Variants in AOPEP observed in about 807,000 individuals in gnomAD.
The protein encoded by AOPEP is aminopeptidase O (putative).
In AOPEP, 77 loss-of-function variants were observed where a neutral mutation model predicts 98.1. That is an observed-to-expected ratio of 0.78 (90% CI 0.65 to 0.95). The LOEUF (loss-of-function observed/expected upper bound fraction) is 0.95, where lower values mean the gene tolerates loss of function less well. Ranked by LOEUF, AOPEP falls within the 40% of genes least tolerant of loss-of-function variation. The pLI is 0.00. For synonymous variants in AOPEP, 346 were observed against 365.3 expected, an observed-to-expected ratio of 0.95 and a Z score of 0.60; for missense variants, 1,024 against 1,024.7, an observed-to-expected ratio of 1.00 and a Z score of 0.01.
the AOPEP span, among the ~76,000 whole-genome samples, chr9:95,112,090 T>C: frequency 2.0e-5 from 3 of 152,208 alleles, no homozygotes; most frequent in African/African-American, 7.2e-5. Context: ...AACTACGAAT[T>C]TTTAATGAGC....
At chr9:94,942,014 G>C (rs2057062561) in intron 7 of AOPEP, among the ~76,000 whole-genome samples, 1 of 152,146 alleles carries the variant, frequency 6.6e-6, no homozygotes, top group African/African-American at 2.4e-5. Context: ...TGAATCTTGG[G>C]AAAGTAAATT....
intron 11 of AOPEP, among the ~76,000 whole-genome samples, chr9:94,999,982 G>A (rs1230040019): frequency 6.6e-6 from 1 of 152,202 alleles, no homozygotes; most frequent in East Asian, 1.9e-4. Flanking sequence ...CTGAGAGAAA[G>A]AAGGTCTGTT....
At chr9:95,021,502 A>G (rs762139984) in intron 13 of AOPEP, among the ~76,000 whole-genome samples, 5 of 152,268 alleles carry the variant, frequency 3.3e-5, no homozygotes, top group Non-Finnish European at 5.9e-5. Context: ...AGCATTACCT[A>G]ATCACAGAGC....
At chr9:95,094,592 T>A in the AOPEP span, among the ~76,000 whole-genome samples, 1 of 152,250 alleles carries the variant, frequency 6.6e-6, no homozygotes, top group East Asian at 1.9e-4. Flanking sequence ...TTTGTCCTTT[T>A]ATGTCTGGCT....
At chr9:94,766,468 C>T (rs551245694) in intron 2 of AOPEP, among the ~76,000 whole-genome samples, 100 of 152,276 alleles carry the variant, frequency 6.6e-4, no homozygotes, top group African/African-American at 2.1e-3. Context: ...ACCCAGGAGG[C>T]GGAGCTTGCA....
intron 3 of AOPEP, among the ~76,000 whole-genome samples, chr9:94,785,475 G>A (rs1844226707): frequency 6.6e-6 from 1 of 152,216 alleles, no homozygotes; most frequent in African/African-American, 2.4e-5. Context: ...ATAGGAGAAA[G>A]TGATGTAGGG....
At chr9:94,772,590 A>G (rs1056538968) in intron 2 of AOPEP, among the ~76,000 whole-genome samples, 1 of 152,176 alleles carries the variant, frequency 6.6e-6, no homozygotes, top group Non-Finnish European at 1.5e-5. Context: ...CCAAGCATTA[A>G]TATCTCAGTG....
intron 13 of AOPEP, among the ~76,000 whole-genome samples, chr9:95,012,995 G>A (rs1326058512): frequency 1.5e-5 from 2 of 135,320 alleles, no homozygotes; most frequent in Non-Finnish European, 3.2e-5. Flanking sequence ...TTTGGGGGGG[G>A]GGGCAGGGCG....
At chr9:95,110,617 A>G in the AOPEP span, 1 of 1,040,542 alleles carries the variant, frequency 9.6e-7, no homozygotes, top group South Asian at 4.6e-5. Flanking sequence ...GCAAGCCTTT[A>G]AACAAAATAC....
intron 13 of AOPEP, among the ~76,000 whole-genome samples, chr9:95,031,801 A>G (rs1191780037): frequency 6.6e-6 from 1 of 152,216 alleles, no homozygotes; most frequent in African/African-American, 2.4e-5. Flanking sequence ...AGTTCAAACA[A>G]GCGAACACTG....
chr9:94,931,640 T>C, intron 7 of AOPEP: 1 of 952,880 alleles, frequency 1.0e-6, no homozygotes, highest in South Asian at 1.4e-5. Context: ...TATCTTGTTC[T>C]TTCTTTCAAG....
At chr9:94,823,506 A>G (rs35487382) in intron 5 of AOPEP, among the ~76,000 whole-genome samples, 53,833 of 152,052 alleles carry the variant, frequency 0.35, 10,134 homozygotes, top group Non-Finnish European at 0.43. Flanking sequence ...CTTCTAGAGC[A>G]TGTTCACCTC....
At chr9:94,936,499 C>G (rs570939110) in intron 7 of AOPEP, among the ~76,000 whole-genome samples, 56 of 152,332 alleles carry the variant, frequency 3.7e-4, no homozygotes, top group African/African-American at 1.3e-3. Flanking sequence ...CCTTGGCTTG[C>G]AGTCACTGAG....
chr9:95,124,257 T>C, the AOPEP span, among the ~76,000 whole-genome samples: 4 of 151,978 alleles, frequency 2.6e-5, no homozygotes, highest in African/African-American at 9.7e-5. Flanking sequence ...GGCCGTGACA[T>C]ACTCTACAGA....
intron 5 of AOPEP, among the ~76,000 whole-genome samples, chr9:94,839,729 T>C (rs1427954986): frequency 2.0e-5 from 3 of 152,190 alleles, no homozygotes; most frequent in Non-Finnish European, 4.4e-5. Flanking sequence ...ACTTACAATA[T>C]GATGTGGACA....
chr9:94,906,455 A>AAATAATAATAATAAT (rs5741511), intron 5 of AOPEP, among the ~76,000 whole-genome samples: 10,366 of 114,218 alleles, frequency 0.091, 600 homozygotes, highest in African/African-American at 0.16. Flanking sequence ...ACCCTGTCTG[A>AAATAATAATAATAAT]AATAATAATA....
chr9:95,028,112 A>C lies in AOPEP; in HGVS notation c.2115+22496A>C, dbSNP rs565145844. Among the ~76,000 whole-genome samples the C allele has an allele frequency of 7.2e-5, 11 of 152,346 alleles. No individual in the cohort carries two copies. In the South Asian group the frequency reaches 1.4e-3, roughly 20 times the overall value. On this transcript the variant is annotated intron_variant, in intron 13 of 16. Transcript: ENST00000375315. ...AAAGATGAGAGGCATTCCAGTTCAC[A>C]CCTAGCACCCAGGTGCCCAGTGCCA...
chr9:94,953,988 A>G (rs901476482), intron 7 of AOPEP, among the ~76,000 whole-genome samples: 2 of 152,160 alleles, frequency 1.3e-5, no homozygotes, highest in Non-Finnish European at 2.9e-5. Flanking sequence ...CATGGAGAAT[A>G]AGGAGTCGCT....
intron 5 of AOPEP, among the ~76,000 whole-genome samples, chr9:94,813,113 G>A (rs1027270565): frequency 6.6e-6 from 1 of 152,114 alleles, no homozygotes; most frequent in South Asian, 2.1e-4. Context: ...TTGGCTATAC[G>A]TTGTTAAGCT....
Sources: gnomAD v4.1 joint callset for allele counts (sites outside exome capture counted in the v4.1 genomes callset) on GRCh38, gnomAD v4.1.1 for gene constraint, MANE v1.5 for transcripts, NCBI Gene and HGNC (gene_info 2026-07-23, HGNC 2026-07-21) for gene names.